The following MID1 variants were observed in gnomAD, a reference collection of about 807,000 sequenced individuals.
MID1 encodes the protein E3 ubiquitin-protein ligase Midline-1.
Under a neutral mutation model 40.4 loss-of-function variants are expected in MID1, and 7 were observed. That is an observed-to-expected ratio of 0.17 (90% CI 0.10 to 0.33). MID1 has a LOEUF of 0.33. Ranked by LOEUF, MID1 falls within the 10% of genes least tolerant of loss-of-function variation. MID1 has a pLI of 1.00. For synonymous variants in MID1, 229 were observed against 221.2 expected, an observed-to-expected ratio of 1.04 and a Z score of -0.31; for missense variants, 367 against 558.5, an observed-to-expected ratio of 0.66 and a Z score of 3.46.
intron 1 of MID1, among the ~76,000 whole-genome samples, chrX:10,680,465 T>C (rs2043051497): frequency 8.9e-6 from 1 of 112,142 alleles, no homozygotes; most frequent in Non-Finnish European, 1.9e-5. Flanking sequence ...ATGTATTATC[T>C]TTAAGTTAAA....
intron 1 of MID1, among the ~76,000 whole-genome samples, chrX:10,801,372 T>A (rs1602585808): frequency 8.9e-6 from 1 of 111,912 alleles, no homozygotes; most frequent in Admixed American, 9.5e-5. Context: ...CAGAGATTTA[T>A]AACTTTCTGT....
chrX:10,809,396 A>G (rs1396941439), intron 1 of MID1, among the ~76,000 whole-genome samples: 1 of 111,832 alleles, frequency 8.9e-6, no homozygotes, highest in Non-Finnish European at 1.9e-5. Context: ...TAGGGCTAGA[A>G]ATACCATTTG....
intron 1 of MID1, among the ~76,000 whole-genome samples, chrX:10,819,877 G>A (rs774388978): frequency 1.8e-5 from 2 of 112,052 alleles, no homozygotes; most frequent in African/African-American, 6.5e-5. Flanking sequence ...GACTCAGTAC[G>A]TATAGGCATG....
At position 10,604,990 on chromosome X, in the gene MID1, G is replaced by A. The variant is rs1466226666; in HGVS notation, c.-57+15300C>T. Among the ~76,000 whole-genome samples the A allele has an allele frequency of 2.7e-5, 3 of 111,669 alleles. No individual in the cohort carries two copies. In the East Asian group the frequency reaches 8.4e-4, roughly 31 times the overall value. ...TTATGTACTTGCTAATCTGCCTGTC[G>A]GCTCAATCTGCAGCTTTTGAGAATG... On this transcript the variant is annotated intron_variant, in intron 1 of 9. Coordinates refer to ENST00000317552, the MANE Select transcript of MID1 (RefSeq NM_000381.4).
At chrX:10,498,736 T>C (rs1164401710) in intron 3 of MID1, among the ~76,000 whole-genome samples, 3 of 112,468 alleles carry the variant, frequency 2.7e-5, no homozygotes, top group African/African-American at 9.7e-5. Flanking sequence ...GTTTGGCTTC[T>C]TTCACTTAGC....
chrX:10,742,928 G>A (rs1296197373), intron 1 of MID1, among the ~76,000 whole-genome samples: 1 of 112,456 alleles, frequency 8.9e-6, no homozygotes, highest in Non-Finnish European at 1.9e-5. Flanking sequence ...TACATTCAGG[G>A]GAACGGTTGC....
chrX:10,800,005 T>C lies in MID1; in HGVS notation c.-187+33549A>G, dbSNP rs2043994952. Reference sequence around the variant, plus strand: ...AATTCTACTACCCTTCAGACCACTATAAATGCTGTGGTAGATATCTCCAAG... The same window carrying C: ...AATTCTACTACCCTTCAGACCACTACAAATGCTGTGGTAGATATCTCCAAG... On this transcript the variant is annotated intron_variant, in intron 1 of 10. Coordinates refer to the MID1 transcript ENST00000380785. Among the ~76,000 whole-genome samples the C allele has an allele frequency of 3.6e-5, 4 of 110,593 alleles. No homozygotes were observed. The Admixed American group carries it at 3.9e-4, about 11-fold the overall frequency.
chrX:10,577,417 T>C (rs895573277), intron 1 of MID1, among the ~76,000 whole-genome samples: 1 of 111,717 alleles, frequency 9.0e-6, no homozygotes, highest in African/African-American at 3.3e-5. Flanking sequence ...TGTGCCTTTA[T>C]CTTCTGAATT....
intron 1 of MID1, among the ~76,000 whole-genome samples, chrX:10,812,696 T>C (rs1037968452): frequency 3.6e-5 from 4 of 112,046 alleles, no homozygotes; most frequent in Non-Finnish European, 7.5e-5. Context: ...CTGGACTTTA[T>C]GTCCGTTCCA....
chrX:10,779,849 A>T (rs1218931359), intron 1 of MID1, among the ~76,000 whole-genome samples: 1 of 111,570 alleles, frequency 9.0e-6, no homozygotes, highest in African/African-American at 3.3e-5. Context: ...AGGTTATTGG[A>T]GCATGTTGCA....
chrX:10,698,235 C>A (rs1200831764), intron 1 of MID1, among the ~76,000 whole-genome samples: 1 of 102,424 alleles, frequency 9.8e-6, no homozygotes, highest in South Asian at 4.8e-4. Context: ...TGTGGTGACA[C>A]CTGCCCCCCA....
chrX:10,713,923 T>A (rs2043284772), intron 1 of MID1, among the ~76,000 whole-genome samples: 1 of 111,769 alleles, frequency 8.9e-6, no homozygotes, highest in Admixed American at 9.5e-5. Flanking sequence ...ATTCTTCCTA[T>A]CACCTCCAAA....
At position 10,562,397 on chromosome X, in the gene MID1, T is replaced by C. The variant is rs1211251333; in HGVS notation, c.660+4491A>G. Among the ~76,000 whole-genome samples, 5 of 93,568 alleles carry C rather than the reference T, an allele frequency of 5.3e-5. 1 individual carries two copies. The highest frequency in any genetic ancestry group is 1.0e-4 in the Non-Finnish European group (5 of 48,129). 81.3% of individuals were successfully genotyped at this position (93,568 alleles called of 115,157 possible). A position where few individuals can be genotyped will look rare whatever the true frequency, so the allele number is the denominator to read the frequency against. On this transcript the variant is annotated intron_variant, in intron 2 of 9. Coordinates refer to ENST00000317552, the MANE Select transcript of MID1 (RefSeq NM_000381.4). ...AAAAAAAAAAAAAAAAAAAAGAAAA[T>C]TTCACTCTCTGAGTGGAAGGCCTAA... is the stretch of plus-strand genomic sequence containing the variant.
At chrX:10,455,113 G>A in intron 8 of MID1, 36 bp from the exon 9 acceptor site, 2 of 1,099,120 alleles carry the variant, frequency 1.8e-6, no homozygotes, top group Non-Finnish European at 2.5e-6. Context: ...AAAGGAAGAG[G>A]AAGAGGATTG....
chrX:10,498,945 A>G (rs1333193011), intron 3 of MID1, among the ~76,000 whole-genome samples: 2 of 111,662 alleles, frequency 1.8e-5, no homozygotes, highest in African/African-American at 6.5e-5. Context: ...GCCCATATAT[A>G]TTCATTTTTC....
At chrX:10,457,953 G>T (rs1202807091) in intron 8 of MID1, among the ~76,000 whole-genome samples, 2 of 112,751 alleles carry the variant, frequency 1.8e-5, no homozygotes, top group African/African-American at 6.4e-5. Context: ...CCCTGGCTTT[G>T]TCAACTTAGA....
At chrX:10,522,742 T>C (rs1276431662) in intron 3 of MID1, among the ~76,000 whole-genome samples, 5 of 111,863 alleles carry the variant, frequency 4.5e-5, no homozygotes, top group Non-Finnish European at 7.5e-5. Context: ...GTGATCTGCC[T>C]GCCTCGGCCT....
chrX:10,710,334 C>T (rs370537241), intron 1 of MID1, among the ~76,000 whole-genome samples: 1 of 111,381 alleles, frequency 9.0e-6, no homozygotes, highest in African/African-American at 3.3e-5. Flanking sequence ...TTTCATGTAT[C>T]CATTGACTTT....
At chrX:10,545,418 C>T (rs949171222) in intron 2 of MID1, among the ~76,000 whole-genome samples, 1 of 112,102 alleles carries the variant, frequency 8.9e-6, no homozygotes, top group Non-Finnish European at 1.9e-5. Context: ...ATCTTGAACC[C>T]AGATGAACGA....
Sources: allele counts gnomAD v4.1 joint callset (sites outside exome capture counted in the v4.1 genomes callset), GRCh38; gene constraint gnomAD v4.1.1; transcripts MANE v1.5; gene names NCBI Gene and HGNC (gene_info 2026-07-23, HGNC 2026-07-21).